Variants in NAA11 observed in about 807,000 individuals in gnomAD.
The protein encoded by NAA11 is N-alpha-acetyltransferase 11, NatA catalytic subunit.
In NAA11, 15 loss-of-function variants were observed where a neutral mutation model predicts 16.1. The observed-to-expected ratio is 0.93, with a 90% CI of 0.62 to 1.44. The LOEUF is 1.44. Ranked by LOEUF, NAA11 falls within the 40% of genes most tolerant of loss-of-function variation. The pLI is 0.00. For synonymous variants in NAA11, 122 were observed against 112.4 expected, an observed-to-expected ratio of 1.09 and a Z score of -0.54; for missense variants, 298 against 291.3, an observed-to-expected ratio of 1.02 and a Z score of -0.17.
At chr4:79,263,567 G>A (rs150403721) in intron 2 of NAA11, among the ~76,000 whole-genome samples, 1 of 152,272 alleles carries the variant, frequency 6.6e-6, no homozygotes, top group African/African-American at 2.4e-5. Context: ...AACAATGAGT[G>A]CTTTTACAAG....
intron 2 of NAA11, among the ~76,000 whole-genome samples, chr4:79,273,922 C>A (rs2109982589): frequency 6.6e-6 from 1 of 152,108 alleles, no homozygotes; most frequent in Admixed American, 6.6e-5. Context: ...CATGAAGAAT[C>A]CATATGTCCA....
At chr4:79,187,987 A>G in the NAA11 span, among the ~76,000 whole-genome samples, 1 of 108,420 alleles carries the variant, frequency 9.2e-6, no homozygotes, top group East Asian at 3.1e-4. Flanking sequence ...CGACAGAGTG[A>G]GACTCCGTCT....
chr4:79,278,631 G>A (rs1414037437), intron 2 of NAA11, among the ~76,000 whole-genome samples: 1 of 152,032 alleles, frequency 6.6e-6, no homozygotes, highest in African/African-American at 2.4e-5. Flanking sequence ...TCTTTTCCCT[G>A]TGTTGTATTT....
chr4:79,254,699 T>TA (rs1225783458), intron 2 of NAA11, among the ~76,000 whole-genome samples: 4 of 147,878 alleles, frequency 2.7e-5, no homozygotes, highest in African/African-American at 7.6e-5. Context: ...TTATTTACTT[T>TA]TTTATTATTA....
downstream of NAA11, among the ~76,000 whole-genome samples, chr4:79,223,110 G>A (rs1469938568): frequency 2.8e-4 from 42 of 149,042 alleles, no homozygotes; most frequent in East Asian, 5.4e-3. Context: ...ATCTAGAACT[G>A]GAAATACCAT....
chr4:79,323,100 T>C (rs1044925208), intron 1 of NAA11, among the ~76,000 whole-genome samples: 3 of 152,172 alleles, frequency 2.0e-5, no homozygotes, highest in Non-Finnish European at 2.9e-5. Flanking sequence ...TATGAATGAG[T>C]AGACTAATCA....
intron 2 of NAA11, among the ~76,000 whole-genome samples, chr4:79,242,922 A>G (rs1188212528): frequency 1.3e-5 from 2 of 152,212 alleles, no homozygotes; most frequent in African/African-American, 4.8e-5. Flanking sequence ...CCCTTGAGCT[A>G]CTTCTCATTA....
intron 2 of NAA11, among the ~76,000 whole-genome samples, chr4:79,274,417 G>A (rs150029609): frequency 1.3e-5 from 2 of 151,990 alleles, no homozygotes; most frequent in African/African-American, 4.8e-5. Context: ...CAAGCACTAG[G>A]GCTTTGGAAA....
intron 2 of NAA11, among the ~76,000 whole-genome samples, chr4:79,269,646 G>A (rs1722441630): frequency 6.8e-6 from 1 of 147,284 alleles, no homozygotes; most frequent in South Asian, 2.2e-4. Flanking sequence ...CTCCCATTTT[G>A]TAGGTTGCCT....
intron 1 of NAA11, chr4:79,299,552 T>C (rs906480014): frequency 2.6e-5 from 4 of 152,180 alleles, no homozygotes; most frequent in Non-Finnish European, 5.9e-5. Context: ...TTAAAAAAGG[T>C]TTTTTATATC....
the NAA11 span, among the ~76,000 whole-genome samples, chr4:79,202,611 TTATATATAGTTTTATA>T: frequency 3.6e-5 from 1 of 27,418 alleles, no homozygotes; most frequent in African/African-American, 7.0e-5. Context: ...TTATATACAG[TTATATATAGTTTTATA>T]TATATATATA....
At chr4:79,194,652 G>A in the NAA11 span, among the ~76,000 whole-genome samples, 26 of 152,054 alleles carry the variant, frequency 1.7e-4, no homozygotes, top group African/African-American at 6.3e-4. Flanking sequence ...TCTGGCATAA[G>A]TAACAGAAAA....
At chr4:79,298,422 C>T (rs537495017) in intron 1 of NAA11, among the ~76,000 whole-genome samples, 1 of 152,320 alleles carries the variant, frequency 6.6e-6, no homozygotes, top group South Asian at 2.1e-4. Context: ...AGGAGTTCCC[C>T]AAGCCAGGGC....
At chr4:79,206,277 A>C in the NAA11 span, among the ~76,000 whole-genome samples, 11 of 152,056 alleles carry the variant, frequency 7.2e-5, no homozygotes, top group South Asian at 2.3e-3. Flanking sequence ...GTCATCTGTG[A>C]TTTCTTTCAT....
intron 2 of NAA11, among the ~76,000 whole-genome samples, chr4:79,265,908 A>AAAC (rs1473900138): frequency 1.3e-5 from 2 of 152,044 alleles, no homozygotes; most frequent in African/African-American, 4.8e-5. Flanking sequence ...CTGCTTATTA[A>AAAC]AACATGTGTT....
downstream of NAA11, among the ~76,000 whole-genome samples, chr4:79,315,550 A>G (rs1179548903): frequency 2.6e-5 from 4 of 152,198 alleles, no homozygotes; most frequent in Non-Finnish European, 4.4e-5. Flanking sequence ...CATCCAGTTT[A>G]TTTAAAGCTG....
the NAA11 span, among the ~76,000 whole-genome samples, chr4:79,204,231 T>G: frequency 6.6e-6 from 1 of 151,810 alleles, no homozygotes; most frequent in Non-Finnish European, 1.5e-5. Flanking sequence ...ACAATGTTGT[T>G]TACACTAAGG....
intron 2 of NAA11, among the ~76,000 whole-genome samples, chr4:79,291,401 T>C (rs889259613): frequency 4.6e-5 from 7 of 152,006 alleles, no homozygotes; most frequent in African/African-American, 1.7e-4. Context: ...AGATCGAGGC[T>C]GAAGTGAACT....
the NAA11 span, among the ~76,000 whole-genome samples, chr4:79,178,022 G>C: frequency 6.6e-6 from 1 of 152,128 alleles, no homozygotes; most frequent in Non-Finnish European, 1.5e-5. Context: ...ATCAGCATCT[G>C]AGTTGAACAT....
Sources: allele counts gnomAD v4.1 joint callset (sites outside exome capture counted in the v4.1 genomes callset), GRCh38; gene constraint gnomAD v4.1.1; transcripts MANE v1.5; gene names NCBI Gene and HGNC (gene_info 2026-07-23, HGNC 2026-07-21).